DAPL1: variants seen among roughly 807,000 people sequenced by gnomAD.
DAPL1 encodes the protein death-associated protein-like 1.
Under a neutral mutation model 12.9 loss-of-function variants are expected in DAPL1, and 17 were observed. The ratio of observed to expected loss-of-function variants is 1.32; its 90% confidence interval spans 0.90 to 1.98. The LOEUF (loss-of-function observed/expected upper bound fraction) is 1.98. DAPL1 is among the 30% of genes most tolerant of loss of function. DAPL1 has a pLI of 0.00. For synonymous variants in DAPL1, 51 were observed against 42.0 expected, an observed-to-expected ratio of 1.21 and a Z score of -0.82; for missense variants, 157 against 125.7, an observed-to-expected ratio of 1.25 and a Z score of -1.19.
intron 3 of DAPL1, among the ~76,000 whole-genome samples, chr2:158,807,999 A>C (rs1377163817): frequency 6.6e-6 from 1 of 152,208 alleles, no homozygotes; most frequent in African/African-American, 2.4e-5. Flanking sequence ...ACTCTTACCA[A>C]GTAGACAGTG....
At chr2:158,798,759 T>C (rs1484418158) in intron 1 of DAPL1, among the ~76,000 whole-genome samples, 1 of 152,038 alleles carries the variant, frequency 6.6e-6, no homozygotes, top group African/African-American at 2.4e-5. Flanking sequence ...GGGGTCTTGA[T>C]TGGCAGCCTA....
intron 2 of DAPL1, among the ~76,000 whole-genome samples, chr2:158,806,848 AATAAT>A (rs1199102022): frequency 3.9e-5 from 2 of 51,184 alleles, no homozygotes; most frequent in African/African-American, 1.4e-4. Context: ...GAAAAAAAAA[AATAAT>A]AATAATAATA....
In DAPL1 at chr2:158,815,714, A is replaced by G; in HGVS notation, c.217A>G (p.Lys73Glu). Residue 73 changes from lysine to glutamate, a missense_variant, in exon 4 of 4, where the codon AAA becomes GAA. By Grantham distance (56) the Lys-to-Glu change is moderately conservative. Transcript: ENST00000309950. ...CCCTTCTCACCTTTAGCTCAACTAT[A>G]AATTTCCAGCAACAGTGCACATGGC... ...LNDALEKLNY[K>E]FPATVHMAHQ... 6.2e-7 allele frequency: 1 copy of G among 1,611,680 alleles called. No homozygotes were observed. Among genetic ancestry groups the G allele is most frequent in the Non-Finnish European group, 8.5e-7 (1 of 1,177,730 alleles).
chr2:158,804,186 C>T, intron 1 of DAPL1, 96 bp from the exon 2 acceptor site: 1 of 807,598 alleles, frequency 1.2e-6, no homozygotes, highest in Non-Finnish European at 1.9e-6. Flanking sequence ...AAAATAAGTT[C>T]AAAAATTATT....
At chr2:158,801,362 ATTC>A (rs2059166563) in intron 1 of DAPL1, among the ~76,000 whole-genome samples, 1 of 152,178 alleles carries the variant, frequency 6.6e-6, no homozygotes, top group Non-Finnish European at 1.5e-5. Context: ...CTCTTATCTG[ATTC>A]TTCTTAGCAT....
chr2:158,807,089 G>T lies in DAPL1; in HGVS notation c.181G>T (p.Asp61Tyr). ...IANVAKIQTL[D>Y]ALNDALEKLN... ...AAATGTTGCCAAAATACAGACACTGGATGCCCTGAATGACGCACTGGAGAA... is the reference window on the plus strand; with the variant it reads ...AAATGTTGCCAAAATACAGACACTGTATGCCCTGAATGACGCACTGGAGAA... The change falls in exon 3 of 4, where the codon GAT becomes TAT. Residue 61 changes from aspartate (D) to tyrosine (Y), a missense_variant. Asp to Tyr is a radical substitution (Grantham distance 160). Coordinates refer to ENST00000309950, the MANE Select transcript of DAPL1 (RefSeq NM_001017920.3). The T allele has an allele frequency of 6.2e-7, 1 of 1,611,256 alleles. No homozygotes were observed. Among genetic ancestry groups the T allele is most frequent in the East Asian group, 2.2e-5 (1 of 44,798 alleles).
chr2:158,809,576 G>A (rs1486143128), intron 3 of DAPL1, among the ~76,000 whole-genome samples: 1 of 151,946 alleles, frequency 6.6e-6, no homozygotes, highest in Non-Finnish European at 1.5e-5. Context: ...TCACTTTTTT[G>A]TGCTCCTCTT....
chr2:158,805,323 G>A (rs1447987737), intron 2 of DAPL1, among the ~76,000 whole-genome samples: 1 of 152,150 alleles, frequency 6.6e-6, no homozygotes, highest in Non-Finnish European at 1.5e-5. Context: ...TCCATTAGCA[G>A]CAAGTCATTT....
At chr2:158,805,418 C>T (rs1020539422) in intron 2 of DAPL1, among the ~76,000 whole-genome samples, 2 of 152,158 alleles carry the variant, frequency 1.3e-5, no homozygotes, top group African/African-American at 4.8e-5. Context: ...CGTTATTTTT[C>T]TTCTGACCCA....
Position 158,803,485 on chromosome 2 carries a change from T to C in DAPL1, c.59-797T>C, listed in dbSNP as rs72995163. ...CAATGTCCATTTAGCTTTTTCTCAT[T>C]TGAGCTTGTCAGATTTTAGATGTGC... On this transcript the variant is annotated intron_variant, in intron 1 of 3. Transcript: ENST00000309950. 3.9e-3 allele frequency among the ~76,000 whole-genome samples: 599 copies of C among 152,356 alleles called. 1 individual carries two copies. The highest frequency in any genetic ancestry group is 0.014 in the African/African-American group (586 of 41,578).
chr2:158,796,396 G>T (rs986385079), intron 1 of DAPL1, among the ~76,000 whole-genome samples: 1 of 152,094 alleles, frequency 6.6e-6, no homozygotes, highest in Admixed American at 6.5e-5. Context: ...GCTTTCCGGC[G>T]GGTAGCCTGG....
chr2:158,795,370 G>C lies in DAPL1; in HGVS notation c.-3G>C, dbSNP rs749059102. Reference sequence around the variant, plus strand: ...AGCACTGGCACTGGCACTGGCACACGCTATGGCAAATGAAGTGCAAGACCT... The same window carrying C: ...AGCACTGGCACTGGCACTGGCACACCCTATGGCAAATGAAGTGCAAGACCT... On this transcript the variant is annotated 5_prime_UTR_variant, in exon 1 of 4. Coordinates refer to ENST00000309950, the MANE Select transcript of DAPL1 (RefSeq NM_001017920.3). The C allele has an allele frequency of 1.3e-6, 2 of 1,554,568 alleles. No homozygotes were observed. The highest frequency in any genetic ancestry group is 1.7e-6 in the Non-Finnish European group (2 of 1,148,606).
chr2:158,804,154 A>G lies in DAPL1; in HGVS notation c.59-128A>G, dbSNP rs191253685. ...TATATATTTTTTATTGTGTTGTTTT[A>G]TACAAACGTTTAGATCTTTAAAAAA... On this transcript the variant is annotated intron_variant, in intron 1 of 3. Transcript: ENST00000309950. 9.4e-6 allele frequency: 6 copies of G among 640,668 alleles called. No individual in the cohort carries two copies. In the African/African-American group the frequency reaches 1.1e-4, roughly 12 times the overall value. 39.7% of individuals were successfully genotyped at this position (640,668 alleles called of 1,614,324 possible).
chr2:158,795,520 C>T (rs2059130030), intron 1 of DAPL1, 90 bp downstream of exon 1: 1 of 1,217,530 alleles, frequency 8.2e-7, no homozygotes, highest in Admixed American at 2.0e-5. Context: ...CAGACGGAAG[C>T]TTCTCTGTCT....
chr2:158,796,806 C>A (rs907944753), intron 1 of DAPL1, among the ~76,000 whole-genome samples: 1 of 152,150 alleles, frequency 6.6e-6, no homozygotes, highest in African/African-American at 2.4e-5. Flanking sequence ...TTGCTAATTA[C>A]TCTGTGTACA....
At chr2:158,807,215 C>A (rs1282839595) in intron 3 of DAPL1, 100 bp downstream of exon 3, 3 of 828,560 alleles carry the variant, frequency 3.6e-6, no homozygotes, top group South Asian at 4.7e-5. Flanking sequence ...TTTTTCCAAC[C>A]CAGAGGTTTG....
chr2:158,802,172 G>A (rs1317884430), intron 1 of DAPL1, among the ~76,000 whole-genome samples: 2 of 152,232 alleles, frequency 1.3e-5, no homozygotes, highest in African/African-American at 4.8e-5. Flanking sequence ...CTAAACTGGT[G>A]CAACCTCTGC....
intron 1 of DAPL1, among the ~76,000 whole-genome samples, chr2:158,798,907 A>G (rs2059150004): frequency 6.6e-6 from 1 of 152,122 alleles, no homozygotes; most frequent in Non-Finnish European, 1.5e-5. Flanking sequence ...GCTTTTTCAC[A>G]TACATTGTCC....
At position 158,804,316 on chromosome 2, in the gene DAPL1, A is replaced by G. The variant is rs763170485; in HGVS notation, c.93A>G (p.Gln31=). 5 of 1,611,792 alleles carry G rather than the reference A, an allele frequency of 3.1e-6. No individual in the cohort carries two copies. The highest frequency in any genetic ancestry group is 4.2e-6 in the Non-Finnish European group (5 of 1,178,778). ...GAGGAATGAGAATTTCCAAAAAACA[A>G]GAAATTGGCACCTTGGAAAGACATA... ...KAGGMRISKK[Q]EIGTLERHTK... is the part of the protein sequence containing the mutation. Residue 31 remains glutamine (Q), a synonymous_variant, in exon 2 of 4, where the codon CAA becomes CAG. Transcript: ENST00000309950.
Sources: gnomAD v4.1 joint callset for allele counts (sites outside exome capture counted in the v4.1 genomes callset) on GRCh38, gnomAD v4.1.1 for gene constraint, MANE v1.5 for transcripts, NCBI Gene and HGNC (gene_info 2026-07-23, HGNC 2026-07-21) for gene names.